The following ARHGAP26 variants were observed in gnomAD, a reference collection of about 807,000 sequenced individuals.
The protein encoded by ARHGAP26 is Rho GTPase activating protein 26.
In ARHGAP26, 38 loss-of-function variants were observed where a neutral mutation model predicts 104.8. The observed-to-expected ratio is 0.36, with a 90% CI of 0.28 to 0.48. The LOEUF (loss-of-function observed/expected upper bound fraction) is 0.48. Ranked by LOEUF, ARHGAP26 falls within the 20% of genes least tolerant of loss-of-function variation. ARHGAP26 has a pLI of 0.99. For synonymous variants in ARHGAP26, 341 were observed against 340.0 expected (o/e 1.00, Z -0.03); for missense variants, 704 against 947.9 (o/e 0.74, Z 3.38).
At chr5:143,201,993 C>A (rs1173529796) in intron 20 of ARHGAP26, among the ~76,000 whole-genome samples, 1 of 152,164 alleles carries the variant, frequency 6.6e-6, no homozygotes, top group East Asian at 1.9e-4. Context: ...CTATCTTGAT[C>A]TGTCTAATAT....
rs762972613 is a variant in ARHGAP26, at chr5:143,147,266, G to C, written c.1873G>C (p.Glu625Gln). 1 of 1,614,022 alleles carries C rather than the reference G, an allele frequency of 6.2e-7. No individual in the cohort carries two copies. The highest frequency in any genetic ancestry group is 1.7e-5 in the Admixed American group (1 of 60,002). Residue 625 changes from glutamate to glutamine, a missense_variant, in exon 20 of 23, where the codon GAA (glutamate) becomes CAA (glutamine). Coordinates refer to ENST00000645722, the MANE Select transcript of ARHGAP26 (RefSeq NM_001135608.3). The part of the protein sequence containing the change: ...QRNSIINSSL[E>Q]SVSSNPNSIL... ...GAACAGCATCATCAACTCCAGTTTG[G>C]AATCTGTCTCATCAAATCCAAACAG... is the stretch of plus-strand genomic sequence containing the variant.
At position 143,222,982 on chromosome 5, in the gene ARHGAP26, A is replaced by C. The variant is rs967397774; in HGVS notation, c.*536A>C. On this transcript the variant is annotated 3_prime_UTR_variant, in exon 23 of 23. Coordinates refer to ENST00000645722, the MANE Select transcript of ARHGAP26 (RefSeq NM_001135608.3). ...TTTGCATGCAGGATGAAGAGGGTTA[A>C]AACACTGTTTATATAAGATCCAATC... is the stretch of plus-strand genomic sequence containing the variant. 6 of 233,128 alleles carry C rather than the reference A, an allele frequency of 2.6e-5. No homozygotes were observed. The highest frequency in any genetic ancestry group is 1.3e-4 in the African/African-American group (6 of 45,298). 14.4% of individuals were successfully genotyped at this position (233,128 alleles called of 1,614,324 possible).
At chr5:143,068,484 G>T (rs1787824937) in intron 17 of ARHGAP26, among the ~76,000 whole-genome samples, 1 of 152,176 alleles carries the variant, frequency 6.6e-6, no homozygotes, top group Admixed American at 6.5e-5. Flanking sequence ...CCTACCTAAA[G>T]GCATTCCCTT....
chr5:142,814,250 G>A (rs1764677469), intron 1 of ARHGAP26, among the ~76,000 whole-genome samples: 1 of 152,254 alleles, frequency 6.6e-6, no homozygotes, highest in Non-Finnish European at 1.5e-5. Context: ...GGAACACCAT[G>A]GCTAGAGCCT....
chr5:142,919,184 C>T (rs930705248), intron 10 of ARHGAP26: 3 of 398,276 alleles, frequency 7.5e-6, no homozygotes, highest in African/African-American at 2.1e-5. Context: ...GGCCTTAATG[C>T]GATATTACCA....
intron 1 of ARHGAP26, among the ~76,000 whole-genome samples, chr5:142,782,028 T>C (rs1008609648): frequency 4.6e-5 from 7 of 152,132 alleles, no homozygotes; most frequent in South Asian, 4.1e-4. Context: ...TCATGGTGTT[T>C]TTGAGAGTAG....
At chr5:142,973,718 T>C (rs189976554) in intron 11 of ARHGAP26, among the ~76,000 whole-genome samples, 1,808 of 152,340 alleles carry the variant, frequency 0.012, 26 homozygotes, top group African/African-American at 0.029. Context: ...GTTACATACC[T>C]TAAGACCCAG....
intron 21 of ARHGAP26, among the ~76,000 whole-genome samples, chr5:143,211,026 A>G (rs1197814713): frequency 2.6e-5 from 4 of 152,224 alleles, no homozygotes; most frequent in Non-Finnish European, 5.9e-5. Context: ...TATCAGAGCC[A>G]AAGCCTACAA....
At chr5:142,887,794 G>T (rs245710) in intron 5 of ARHGAP26, among the ~76,000 whole-genome samples, 1 of 151,856 alleles carries the variant, frequency 6.6e-6, no homozygotes, top group Admixed American at 6.6e-5. Context: ...GTGAGACCTC[G>T]TCTCTACTAA....
chr5:143,047,831 T>G (rs1393477189), intron 14 of ARHGAP26, among the ~76,000 whole-genome samples: 2 of 151,980 alleles, frequency 1.3e-5, no homozygotes, highest in Admixed American at 1.3e-4. Flanking sequence ...TGTTTTATTT[T>G]TATTATTATT....
At chr5:142,962,905 T>TAGTA (rs1770499433) in intron 11 of ARHGAP26, among the ~76,000 whole-genome samples, 1 of 152,024 alleles carries the variant, frequency 6.6e-6, no homozygotes, top group African/African-American at 2.4e-5. Flanking sequence ...ACCCAGGTAC[T>TAGTA]AAGCCTAGTA....
At position 142,793,775 on chromosome 5, in the gene ARHGAP26, A is replaced by G. The variant is rs141821635; in HGVS notation, c.154+22860A>G. The stretch of plus-strand genomic sequence containing the variant: ...GCTAATTTTTGTATTTTAAGTAGAT[A>G]CGGGGTTTCTCCATGTTGGCCAGGC... On this transcript the variant is annotated intron_variant, in intron 1 of 22. Transcript: ENST00000645722. Among the ~76,000 whole-genome samples, 83 of 152,092 alleles carry G rather than the reference A, an allele frequency of 5.5e-4. 2 individuals are homozygous for G. The East Asian group carries it at 0.013, about 23-fold the overall frequency.
At chr5:142,810,052 T>G (rs1457496501) in intron 1 of ARHGAP26, among the ~76,000 whole-genome samples, 1 of 152,208 alleles carries the variant, frequency 6.6e-6, no homozygotes, top group Non-Finnish European at 1.5e-5. Context: ...CTAGGCTCTG[T>G]CCTAGAGCAC....
In ARHGAP26 at chr5:142,771,220, T is replaced by A. The variant is rs1755124719; in HGVS notation, c.154+305T>A. The A allele has an allele frequency of 3.9e-6, 5 of 1,267,414 alleles. No individual in the cohort carries two copies. In the Admixed American group the frequency reaches 1.6e-4, roughly 41 times the overall value. 78.5% of individuals were successfully genotyped at this position (1,267,414 alleles called of 1,614,324 possible). On this transcript the variant is annotated intron_variant, in intron 1 of 22. Coordinates refer to ENST00000645722, the MANE Select transcript of ARHGAP26 (RefSeq NM_001135608.3). ...GCGCGGCACGCAGGTGTCCCAGCAG[T>A]GGGGCCAGAGTGCCGAGCGCGCCGC... is the stretch of plus-strand genomic sequence containing the variant.
At chr5:142,879,517 ACAAAGTCTTCAG>A in intron 4 of ARHGAP26, 72 bp downstream of exon 4, 1 of 1,379,432 alleles carries the variant, frequency 7.2e-7, no homozygotes, top group African/African-American at 1.5e-5. Context: ...TTTCTTTAAA[ACAAAGTCTTCAG>A]AAATGTCTTC....
chr5:143,106,647 A>G (rs1031721990), intron 17 of ARHGAP26, among the ~76,000 whole-genome samples: 1 of 151,528 alleles, frequency 6.6e-6, no homozygotes, highest in Non-Finnish European at 1.5e-5. Context: ...TAATTTTTGT[A>G]TTTTTAGTAG....
intron 1 of ARHGAP26, among the ~76,000 whole-genome samples, chr5:142,795,035 A>T (rs1454867652): frequency 6.8e-6 from 1 of 147,390 alleles, no homozygotes; most frequent in African/African-American, 2.6e-5. Flanking sequence ...TGTCTCTGTC[A>T]TATCTTCTTC....
chr5:143,200,437 C>T (rs1807519195), intron 20 of ARHGAP26, among the ~76,000 whole-genome samples: 1 of 152,054 alleles, frequency 6.6e-6, no homozygotes, highest in South Asian at 2.1e-4. Flanking sequence ...TCTGAATATA[C>T]ACAATAAGAA....
At chr5:143,183,802 GTC>G (rs1245264206) in intron 20 of ARHGAP26, among the ~76,000 whole-genome samples, 2 of 152,322 alleles carry the variant, frequency 1.3e-5, no homozygotes, top group East Asian at 3.9e-4. Flanking sequence ...CCTCAGCAGT[GTC>G]TCTGCGCCTG....
Sources: gnomAD v4.1 joint callset for allele counts (sites outside exome capture counted in the v4.1 genomes callset) on GRCh38, gnomAD v4.1.1 for gene constraint, MANE v1.5 for transcripts, NCBI Gene and HGNC (gene_info 2026-07-23, HGNC 2026-07-21) for gene names.